EDAR: variants seen among roughly 807,000 people sequenced by gnomAD.
EDAR encodes ectodysplasin A receptor, also known as tumor necrosis factor receptor superfamily member EDAR.
Under a neutral mutation model 51.3 loss-of-function variants are expected in EDAR, and 38 were observed. The ratio of observed to expected loss-of-function variants is 0.74; its 90% CI spans 0.57 to 0.97. The LOEUF is 0.97. Among genes scored for constraint, EDAR ranks in the 50% least tolerant of loss-of-function variants. EDAR has a pLI of 0.00. For missense variants in EDAR, 528 were observed against 595.0 expected (o/e 0.89, Z 1.17); for synonymous variants, 227 against 242.1 (o/e 0.94, Z 0.58).
intron 1 of EDAR, among the ~76,000 whole-genome samples, chr2:108,951,616 G>A (rs765488107): frequency 2.0e-4 from 31 of 152,088 alleles, no homozygotes; most frequent in Non-Finnish European, 3.7e-4. Flanking sequence ...TGGTTTACAG[G>A]GAAGGGCACT....
rs574198852 is a variant in EDAR at position 108,975,420 on chromosome 2, G to A, written c.-19+13540C>T. On this transcript the variant is annotated intron_variant, in intron 1 of 11. Transcript: ENST00000258443. The stretch of plus-strand genomic sequence containing the variant: ...CAGGGAGAGGGCTGGAGCATGGGCC[G>A]GCGAGACATGGATAGCGCCAGCACA... 6.6e-5 allele frequency among the ~76,000 whole-genome samples: 10 copies of A among 152,304 alleles called. No homozygotes were observed. The South Asian group carries it at 8.3e-4, about 13-fold the overall frequency.
At chr2:108,904,720 A>G (rs1696770430) in intron 11 of EDAR, among the ~76,000 whole-genome samples, 1 of 152,256 alleles carries the variant, frequency 6.6e-6, no homozygotes, top group Non-Finnish European at 1.5e-5. Flanking sequence ...CACCACGGTT[A>G]CATACCTTGT....
intron 1 of EDAR, among the ~76,000 whole-genome samples, chr2:108,951,141 A>G (rs1697819447): frequency 6.6e-6 from 1 of 152,216 alleles, no homozygotes; most frequent in African/African-American, 2.4e-5. Flanking sequence ...AGAGGATTCT[A>G]TGTAGCTTGA....
chr2:108,922,735 G>C (rs1697168248), intron 5 of EDAR, among the ~76,000 whole-genome samples: 1 of 152,110 alleles, frequency 6.6e-6, no homozygotes, highest in Non-Finnish European at 1.5e-5. Context: ...CCTCCCAGCT[G>C]CTTGTCCTAC....
intron 5 of EDAR, among the ~76,000 whole-genome samples, chr2:108,916,528 C>A (rs1019733452): frequency 5.9e-5 from 9 of 152,120 alleles, no homozygotes; most frequent in Non-Finnish European, 8.8e-5. Flanking sequence ...CACCTGCCCT[C>A]GGCCAGCTGT....
At chr2:108,969,561 TG>T (rs1698203797) in intron 1 of EDAR, among the ~76,000 whole-genome samples, 1 of 152,312 alleles carries the variant, frequency 6.6e-6, no homozygotes, top group South Asian at 2.1e-4. Flanking sequence ...GGCTGTAAAA[TG>T]GGGGTCATTC....
In EDAR at chr2:108,911,755, C is replaced by T. The variant is rs1263626139; in HGVS notation, c.530-683G>A. On this transcript the variant is annotated intron_variant, in intron 6 of 11. Coordinates refer to ENST00000258443, the MANE Select transcript of EDAR (RefSeq NM_022336.4). ...GTCTTGAACTAAGATCCAGATTTGC[C>T]ACCACCCAAATAGACAGGAGACCAG... Among the ~76,000 whole-genome samples the T allele has an allele frequency of 2.6e-5, 4 of 152,222 alleles. No individual in the cohort carries two copies. In the East Asian group the frequency reaches 7.7e-4, roughly 29 times the overall value.
intron 5 of EDAR, among the ~76,000 whole-genome samples, chr2:108,922,798 C>T (rs1697174362): frequency 6.6e-6 from 1 of 152,160 alleles, no homozygotes; most frequent in South Asian, 2.1e-4. Context: ...CAGCACATTC[C>T]TCTGAGGCAG....
rs568194839 is a variant in EDAR, at chr2:108,909,845, T to G, written c.803+615A>C. On this transcript the variant is annotated intron_variant, in intron 9 of 11. Coordinates refer to ENST00000258443, the MANE Select transcript of EDAR (RefSeq NM_022336.4). ...CCTCCAGAGGCCTCTTTACACCATG[T>G]GGCTCCTTGGGAGCCTGGACTCGGA... Among the ~76,000 whole-genome samples the G allele has an allele frequency of 5.3e-5, 8 of 152,370 alleles. No individual in the cohort carries two copies. The South Asian group carries it at 1.7e-3, about 32-fold the overall frequency.
intron 1 of EDAR, among the ~76,000 whole-genome samples, chr2:108,960,054 C>T (rs1031742790): frequency 6.6e-6 from 1 of 152,104 alleles, no homozygotes; most frequent in South Asian, 2.1e-4. Context: ...AAGCAGTGCC[C>T]TCCAAAGAGG....
chr2:108,927,950 C>T (rs977861355), intron 4 of EDAR, among the ~76,000 whole-genome samples: 1 of 152,160 alleles, frequency 6.6e-6, no homozygotes, highest in African/African-American at 2.4e-5. Flanking sequence ...TCAGTGCTGT[C>T]TTTCAGGGGG....
chr2:108,918,396 T>C (rs1697066255), intron 5 of EDAR, among the ~76,000 whole-genome samples: 1 of 152,178 alleles, frequency 6.6e-6, no homozygotes, highest in Admixed American at 6.5e-5. Flanking sequence ...TTGGGATGCT[T>C]GTTAAGTGCA....
Position 108,938,674 on chromosome 2 carries a change from C to T in EDAR, c.-18-7642G>A, listed in dbSNP as rs73952562. ...GAAGTTTTGAAAAAAAAAATCCCTA[C>T]TTTTTTGCCTTATCAAAATTGAGGG... On this transcript the variant is annotated intron_variant, in intron 1 of 11. Transcript: ENST00000258443. Among the ~76,000 whole-genome samples, 780 of 152,274 alleles carry T rather than the reference C, an allele frequency of 5.1e-3. 8 individuals are homozygous for T. The highest frequency in any genetic ancestry group is 0.018 in the African/African-American group (727 of 41,528).
intron 1 of EDAR, among the ~76,000 whole-genome samples, chr2:108,958,968 G>C (rs1301395719): frequency 6.6e-6 from 1 of 152,242 alleles, no homozygotes; most frequent in Non-Finnish European, 1.5e-5. Flanking sequence ...AAGTCCTCAA[G>C]AAGTGGCCTC....
At chr2:108,933,438 A>C (rs141708392) in intron 1 of EDAR, among the ~76,000 whole-genome samples, 41 of 152,266 alleles carry the variant, frequency 2.7e-4, no homozygotes, top group African/African-American at 9.1e-4. Flanking sequence ...ATCCCAGAGG[A>C]CAGACCTGAC....
rs1440998038 is a variant in EDAR, at chr2:108,938,904, C to T, written c.-18-7872G>A. On this transcript the variant is annotated intron_variant, in intron 1 of 11. Transcript: ENST00000258443. Reference sequence around the variant, plus strand: ...AAGCAATTCTCCTGCCTCAGCCTCTCGAGTAGCTGCGACTACAGGCACCCG... The same window carrying T: ...AAGCAATTCTCCTGCCTCAGCCTCTTGAGTAGCTGCGACTACAGGCACCCG... Among the ~76,000 whole-genome samples the T allele has an allele frequency of 3.1e-4, 46 of 150,286 alleles. 1 individual carries two copies. The highest frequency in any genetic ancestry group is 2.7e-3 in the Admixed American group (41 of 15,028).
chr2:108,927,324 G>C (rs1273219521), intron 4 of EDAR, among the ~76,000 whole-genome samples: 7 of 152,212 alleles, frequency 4.6e-5, no homozygotes, highest in African/African-American at 1.4e-4. Context: ...TCCAGCACTG[G>C]AAAGAATGTT....
intron 6 of EDAR, 78 bp downstream of exon 6, chr2:108,912,600 T>C (rs990513813): frequency 1.0e-5 from 14 of 1,354,178 alleles, no homozygotes; most frequent in Non-Finnish European, 1.3e-5. Context: ...TCACTCATGA[T>C]CATTTCCTCT....
chr2:108,972,537 G>GA (rs1472090863), intron 1 of EDAR, among the ~76,000 whole-genome samples: 2 of 152,222 alleles, frequency 1.3e-5, no homozygotes, highest in East Asian at 3.8e-4. Context: ...GGCAGCCTAG[G>GA]AAAAAAGAGA....
Sources: allele counts gnomAD v4.1 joint callset (sites outside exome capture counted in the v4.1 genomes callset), GRCh38; gene constraint gnomAD v4.1.1; transcripts MANE v1.5; gene names NCBI Gene and HGNC (gene_info 2026-07-23, HGNC 2026-07-21).